The following TPSG1 variants were observed in gnomAD, a reference collection of about 807,000 sequenced individuals.
TPSG1 encodes tryptase gamma.
A neutral mutation model predicts 23.8 loss-of-function variants in TPSG1; 43 were observed. The ratio of observed to expected loss-of-function variants is 1.81; its 90% CI spans 1.42 to 2.33. TPSG1 has a LOEUF of 2.33. Ranked by LOEUF, TPSG1 falls within the 30% of genes most tolerant of loss-of-function variation. TPSG1 has a pLI of 0.00. For synonymous variants in TPSG1, 302 were observed against 201.3 expected, an observed-to-expected ratio of 1.50 and a Z score of -4.23; for missense variants, 623 against 438.6, an observed-to-expected ratio of 1.42 and a Z score of -3.75.
chr16:1,224,929 C>T (rs976209598), intron 1 of TPSG1, among the ~76,000 whole-genome samples: 6 of 152,128 alleles, frequency 3.9e-5, no homozygotes, highest in Non-Finnish European at 8.8e-5. Context: ...CCTGGGACTC[C>T]TGGCACCCCC....
rs2029984217 is a variant in TPSG1 at position 1,223,712 on chromosome 16, C to T, written c.74-118G>A. On this transcript the variant is annotated intron_variant, in intron 2 of 5. Coordinates refer to ENST00000234798, the MANE Select transcript of TPSG1 (RefSeq NM_012467.4). ...TTCTTGGGGACTTTGCTCTTCAGCT[C>T]TCTCGTCTGCCAGACTCTCCCCAGA... is the stretch of plus-strand genomic sequence containing the variant. 8 of 1,232,578 alleles carry T rather than the reference C, an allele frequency of 6.5e-6. No homozygotes were observed. In the South Asian group the frequency reaches 8.7e-5, roughly 13 times the overall value. 76.4% of individuals were successfully genotyped at this position (1,232,578 alleles called of 1,614,324 possible). A position where few individuals can be genotyped will look rare whatever the true frequency, so the allele number is the denominator to read the frequency against.
Position 1,222,681 on chromosome 16 carries a change from A to G in TPSG1, c.482T>C (p.Val161Ala), listed in dbSNP as rs1223020879. 6.3e-7 allele frequency: 1 copy of G among 1,580,824 alleles called. No individual in the cohort carries two copies. Among genetic ancestry groups the G allele is most frequent in the African/African-American group, 1.3e-5 (1 of 74,334 alleles). ...CTCCCGCGTATAGCCCCAGCCGGTC[A>G]CCCAGCACCGGATCCCAGGGCAGAA... The part of the protein sequence containing the change: ...DDFCPGIRCW[V>A]TGWGYTREGE... The change falls in exon 4 of 6, where the codon GTG becomes GCG. Residue 161 changes from valine (V) to alanine (A), a missense_variant. Coordinates refer to ENST00000234798, the MANE Select transcript of TPSG1 (RefSeq NM_012467.4).
chr16:1,223,383 C>T (rs999536062), intron 3 of TPSG1, 40 bp downstream of exon 3: 2 of 1,539,770 alleles, frequency 1.3e-6, no homozygotes, highest in African/African-American at 1.4e-5. Context: ...CCCACTGGGG[C>T]CTGGACATTG....
chr16:1,223,132 C>T (rs1469618583), intron 3 of TPSG1, among the ~76,000 whole-genome samples: 1 of 152,224 alleles, frequency 6.6e-6, no homozygotes, highest in Non-Finnish European at 1.5e-5. Context: ...AAGCCAGCAG[C>T]ATGCCCGACA....
At position 1,223,540 on chromosome 16, in the gene TPSG1, G is replaced by A. The variant is rs369071915; in HGVS notation, c.128C>T (p.Ala43Val). The change falls in exon 3 of 6, where the codon GCT becomes GTT. Residue 43 changes from alanine (A) to valine (V), a missense_variant. Transcript: ENST00000234798. ...DAGGRIVGGHAAPAGAWPWQA... is the reference protein window; with the variant it reads ...DAGGRIVGGHVAPAGAWPWQA... Reference sequence around the variant, plus strand: ...CCATGGCCATGCGCCGGCCGGGGCAGCGTGACCCCCCACGATCCGGCCGCC... The same window carrying A: ...CCATGGCCATGCGCCGGCCGGGGCAACGTGACCCCCCACGATCCGGCCGCC... 4.3e-5 allele frequency: 67 copies of A among 1,549,124 alleles called. No homozygotes were observed. Among genetic ancestry groups the A allele is most frequent in the Non-Finnish European group, 3.0e-5 (34 of 1,149,262 alleles).
At position 1,223,302 on chromosome 16, in the gene TPSG1, G is replaced by A. The variant is rs2029931556; in HGVS notation, c.245+121C>T. ...CCAGCTCCTCCCTTTCCATTGGAAG[G>A]AAGTAGGCTCAGAGTTCCCAAGCCT... On this transcript the variant is annotated intron_variant, in intron 3 of 5. Coordinates refer to ENST00000234798, the MANE Select transcript of TPSG1 (RefSeq NM_012467.4). The A allele has an allele frequency of 1.7e-5, 22 of 1,274,556 alleles. 1 individual carries two copies. In the South Asian group the frequency reaches 3.2e-4, roughly 18 times the overall value. The allele number at this position is 1,274,556 out of a possible 1,614,324, so 79.0% of individuals were successfully genotyped here.
chr16:1,224,363 T>A (rs766886501), intron 2 of TPSG1, among the ~76,000 whole-genome samples: 2 of 152,076 alleles, frequency 1.3e-5, no homozygotes, highest in African/African-American at 2.4e-5. Flanking sequence ...CCAGGTTGTT[T>A]CATGGCCTCA....
intron 3 of TPSG1, 34 bp downstream of exon 3, chr16:1,223,389 C>T (rs2029940854): frequency 2.6e-6 from 4 of 1,547,690 alleles, no homozygotes; most frequent in Non-Finnish European, 2.6e-6. Context: ...GGGGCCTGGA[C>T]ATTGAGACTG....
In TPSG1 at chr16:1,222,754, G is replaced by C. The variant is rs764670711; in HGVS notation, c.409C>G (p.Leu137Val). Residue 137 changes from leucine (L) to valine (V), a missense_variant, in exon 4 of 6, where the codon CTC becomes GTC. Leu to Val is a conservative substitution (Grantham distance 32). Transcript: ENST00000234798. ...CAGACGGGCAGGATCCGGCTGGAGA[G>C]GGTCACGGGGACACTGAGCTCCACC... ...ALVELSVPVT[L>V]SSRILPVCLP... 1.2e-6 allele frequency: 2 copies of C among 1,612,106 alleles called. No individual in the cohort carries two copies. Among genetic ancestry groups the C allele is most frequent in the East Asian group, 2.2e-5 (1 of 44,862 alleles).
Position 1,221,984 on chromosome 16 carries a change from C to T in TPSG1, c.770G>A (p.Arg257His), listed in dbSNP as rs199691236. 9.7e-5 allele frequency: 156 copies of T among 1,612,540 alleles called. No individual in the cohort carries two copies. The highest frequency in any genetic ancestry group is 1.3e-4 in the Non-Finnish European group (150 of 1,179,874). The change falls in exon 6 of 6, where the codon CGT (arginine) becomes CAT (histidine). Residue 257 changes from arginine (R) to histidine (H), a missense_variant. By Grantham distance (29) the Arg-to-His change is conservative. Transcript: ENST00000234798. ...GRPNRPGVYT[R>H]VPAYVNWIRR... ...GATCCAGTTCACGTAGGCAGGGACA[C>T]GAGTGTAGACTCCCGGCCTGTTGGG...
At position 1,225,223 on chromosome 16, in the gene TPSG1, C is replaced by G. The variant is rs765273321; in HGVS notation, c.30G>C (p.Leu10=). 13 of 1,579,130 alleles carry G rather than the reference C, an allele frequency of 8.2e-6. No homozygotes were observed. The highest frequency in any genetic ancestry group is 1.0e-5 in the Non-Finnish European group (12 of 1,162,876). The stretch of plus-strand genomic sequence containing the variant: ...GTCACCCACCGGGCACAGCCAGGAG[C>G]AGCAGGAGGCCACAGGCCCCAAGGG... MALGACGLL[L]LLAVPGVSLR... is the part of the protein sequence containing the mutation. Residue 10 remains leucine, a synonymous_variant, in exon 1 of 6, where the codon CTG becomes CTC. Transcript: ENST00000234798.
intron 2 of TPSG1, among the ~76,000 whole-genome samples, chr16:1,224,297 C>A (rs1211426863): frequency 6.6e-6 from 1 of 152,090 alleles, no homozygotes; most frequent in Non-Finnish European, 1.5e-5. Context: ...CGGCAAAGCC[C>A]CCAGCTGGTT....
intron 2 of TPSG1, among the ~76,000 whole-genome samples, 161 bp downstream of exon 2, chr16:1,224,441 C>A (rs535570078): frequency 2.0e-5 from 3 of 152,250 alleles, no homozygotes; most frequent in Non-Finnish European, 2.9e-5. Context: ...CACACCCCGA[C>A]CAGCCCCACT....
chr16:1,225,217 C>A lies in TPSG1; in HGVS notation c.36G>T (p.Leu12=), dbSNP rs138549150. Residue 12 remains leucine (L), a synonymous_variant, in exon 1 of 6, where the codon CTG becomes CTT. Coordinates refer to ENST00000234798, the MANE Select transcript of TPSG1 (RefSeq NM_012467.4). Reference sequence around the variant, plus strand: ...GGCCAGGTCACCCACCGGGCACAGCCAGGAGCAGCAGGAGGCCACAGGCCC... The same window carrying A: ...GGCCAGGTCACCCACCGGGCACAGCAAGGAGCAGCAGGAGGCCACAGGCCC... ...ALGACGLLLL[L]AVPGVSLRTL... 2 of 1,578,088 alleles carry A rather than the reference C, an allele frequency of 1.3e-6. No individual in the cohort carries two copies. Among genetic ancestry groups the A allele is most frequent in the South Asian group, 2.3e-5 (2 of 85,968 alleles).
In TPSG1 at chr16:1,222,331, T is replaced by G. The variant is rs1596485499; in HGVS notation, c.522A>C (p.Pro174=). The G allele has an allele frequency of 6.3e-7, 1 of 1,589,554 alleles. No homozygotes were observed. Among genetic ancestry groups the G allele is most frequent in the Non-Finnish European group, 8.6e-7 (1 of 1,167,012 alleles). Residue 174 remains proline (P), a synonymous_variant, in exon 5 of 6, where the codon CCA becomes CCC. Transcript: ENST00000234798. ...WGYTREGEPL[P]PPYSLREVKV... ...TCACCTCCCGCAGGCTGTACGGGGG[T>G]GGCAGAGGCTCTGGGGTGGGGGGAA... is the stretch of plus-strand genomic sequence containing the variant.
intron 4 of TPSG1, 70 bp downstream of exon 4, chr16:1,222,582 C>T (rs1970548308): frequency 1.2e-5 from 18 of 1,505,352 alleles, no homozygotes; most frequent in East Asian, 2.3e-5. Flanking sequence ...GCATCAGCAT[C>T]CCTCAAGCCA....
In TPSG1 at chr16:1,222,354, G is replaced by A. The variant is rs772354437; in HGVS notation, c.512-13C>T. On this transcript the variant is annotated splice_polypyrimidine_tract_variant and intron_variant, in intron 4 of 5. Transcript: ENST00000234798. Reference sequence around the variant, plus strand: ...GGTGGCAGAGGCTCTGGGGTGGGGGGAACAGGCTTCAGAGAAGGTTGGGGC... The same window carrying A: ...GGTGGCAGAGGCTCTGGGGTGGGGGAAACAGGCTTCAGAGAAGGTTGGGGC... The A allele has an allele frequency of 5.7e-6, 9 of 1,574,042 alleles. No individual in the cohort carries two copies. Among genetic ancestry groups the A allele is most frequent in the Admixed American group, 1.8e-5 (1 of 56,184 alleles).
chr16:1,224,846 C>G, intron 1 of TPSG1: 1 of 629,296 alleles, frequency 1.6e-6, no homozygotes, highest in Non-Finnish European at 2.8e-6. Flanking sequence ...AGGCCGGGAG[C>G]TTGGCCTCAG....
At position 1,223,495 on chromosome 16, in the gene TPSG1, C is replaced by T. The variant is rs192015152; in HGVS notation, c.173G>A (p.Arg58Gln). 2.9e-5 allele frequency: 46 copies of T among 1,575,030 alleles called. No individual in the cohort carries two copies. The highest frequency in any genetic ancestry group is 7.3e-5 in the Admixed American group (4 of 54,840). ...TGACCCGCCGCACACGTGCACCCTC[C>T]GCAGGCGGAGGCTGGCCTGCCATGG... ...AWPWQASLRL[R>Q]RVHVCGGSLL... Residue 58 changes from arginine to glutamine, a missense_variant, in exon 3 of 6, where the codon CGG becomes CAG. Physicochemically the swap from Arg to Gln is conservative, Grantham distance 43. Coordinates refer to ENST00000234798, the MANE Select transcript of TPSG1 (RefSeq NM_012467.4).
Sources: allele counts gnomAD v4.1 joint callset (sites outside exome capture counted in the v4.1 genomes callset), GRCh38; gene constraint gnomAD v4.1.1; transcripts MANE v1.5; gene names NCBI Gene and HGNC (gene_info 2026-07-23, HGNC 2026-07-21).